Variants in ARHGEF10 observed in about 807,000 individuals in gnomAD.
The protein encoded by ARHGEF10 is Rho guanine nucleotide exchange factor 10.
In ARHGEF10, 140 loss-of-function variants were observed where a neutral mutation model predicts 147.4. The ratio of observed to expected loss-of-function variants is 0.95; its 90% CI spans 0.83 to 1.09. ARHGEF10 has a LOEUF of 1.09. Among genes scored for constraint, ARHGEF10 ranks in the 50% least tolerant of loss-of-function variants. The pLI is 0.00. For synonymous variants in ARHGEF10, 902 were observed against 695.8 expected, an observed-to-expected ratio of 1.30 and a Z score of -4.67; for missense variants, 2,222 against 1,752.7, an observed-to-expected ratio of 1.27 and a Z score of -4.78.
intron 3 of ARHGEF10, 82 bp from the exon 4 acceptor site, chr8:1,859,815 G>T (rs1407462984): frequency 7.8e-6 from 12 of 1,547,014 alleles, no homozygotes; most frequent in Non-Finnish European, 1.1e-5. Context: ...GCTCATACCT[G>T]CTTCCCACTT....
At chr8:1,901,364 C>T (rs3758018) in intron 15 of ARHGEF10, among the ~76,000 whole-genome samples, 69,186 of 152,008 alleles carry the variant, frequency 0.46, 15,918 homozygotes, top group African/African-American at 0.52. Context: ...CTGGTTAGTG[C>T]TCCCAGACCT....
chr8:1,858,901 T>A, intron 3 of ARHGEF10: 2 of 92,486 alleles, frequency 2.2e-5, no homozygotes, highest in South Asian at 2.6e-4. Flanking sequence ...CTCTCGGTTG[T>A]TTGCATGCCG....
At chr8:1,898,075 C>T (rs1050996207) in intron 14 of ARHGEF10, among the ~76,000 whole-genome samples, 13 of 152,306 alleles carry the variant, frequency 8.5e-5, no homozygotes, top group East Asian at 1.9e-4. Flanking sequence ...GCCTCCAGGA[C>T]GTCTTTCTGC....
intron 9 of ARHGEF10, among the ~76,000 whole-genome samples, chr8:1,880,942 A>G (rs984776654): frequency 2.0e-5 from 3 of 152,050 alleles, no homozygotes; most frequent in African/African-American, 7.2e-5. Flanking sequence ...GAGCCGCGTT[A>G]CCCCCTCACA....
chr8:1,914,808 C>T (rs11987896), intron 18 of ARHGEF10, among the ~76,000 whole-genome samples: 3 of 152,172 alleles, frequency 2.0e-5, no homozygotes, highest in South Asian at 4.1e-4. Flanking sequence ...GTCCTTCCCA[C>T]GACTCAAAAG....
intron 1 of ARHGEF10, among the ~76,000 whole-genome samples, chr8:1,827,178 G>A (rs956722386): frequency 2.0e-5 from 3 of 152,224 alleles, no homozygotes; most frequent in Admixed American, 6.5e-5. Context: ...CAGCCCCCAC[G>A]CTGATACACA....
Position 1,956,876 on chromosome 8 carries a change from C to G in ARHGEF10, c.3648C>G (p.Asp1216Glu), listed in dbSNP as rs200561292. 1.9e-6 allele frequency: 3 copies of G among 1,613,978 alleles called. No homozygotes were observed. Among genetic ancestry groups the G allele is most frequent in the Non-Finnish European group, 2.5e-6 (3 of 1,180,032 alleles). The change falls in exon 29 of 29, where the codon GAC (aspartate) becomes GAG (glutamate). Residue 1216 changes from aspartate (D) to glutamate (E), a missense_variant. Coordinates refer to ENST00000349830, the MANE Select transcript of ARHGEF10 (RefSeq NM_014629.4). ...DSLAPGPEPQ[D>E]EDQKDALPSG... Reference sequence around the variant, plus strand: ...TGGCTCCTGGCCCCGAGCCTCAGGACGAAGACCAGAAGGACGCACTTCCGA... The same window carrying G: ...TGGCTCCTGGCCCCGAGCCTCAGGAGGAAGACCAGAAGGACGCACTTCCGA...
chr8:1,906,250 G>C (rs1810881018), intron 17 of ARHGEF10, among the ~76,000 whole-genome samples: 1 of 152,146 alleles, frequency 6.6e-6, no homozygotes, highest in South Asian at 2.1e-4. Flanking sequence ...AGATGATAAG[G>C]GAACTGATAT....
intron 17 of ARHGEF10, among the ~76,000 whole-genome samples, chr8:1,909,060 G>C (rs1020497277): frequency 6.6e-6 from 1 of 152,200 alleles, no homozygotes; most frequent in Non-Finnish European, 1.5e-5. Context: ...GCTTCCGGGA[G>C]ATCCGTCCCC....
intron 26 of ARHGEF10, among the ~76,000 whole-genome samples, chr8:1,940,723 C>T (rs897348125): frequency 4.6e-5 from 7 of 152,106 alleles, no homozygotes; most frequent in East Asian, 3.9e-4. Flanking sequence ...AAATCCTCAA[C>T]GGAAGACTTG....
chr8:1,954,679 C>G (rs1464862292), intron 28 of ARHGEF10, among the ~76,000 whole-genome samples: 3 of 152,218 alleles, frequency 2.0e-5, no homozygotes, highest in African/African-American at 7.2e-5. Flanking sequence ...CCTCTCTGCT[C>G]ACAACCCTAG....
chr8:1,910,518 G>A (rs554390794), intron 18 of ARHGEF10, among the ~76,000 whole-genome samples: 17 of 152,066 alleles, frequency 1.1e-4, no homozygotes, highest in African/African-American at 3.6e-4. Flanking sequence ...AGTGGTATGC[G>A]TCTGTATCAA....
chr8:1,903,230 C>T, intron 15 of ARHGEF10, 51 bp from the exon 16 acceptor site: 3 of 1,605,888 alleles, frequency 1.9e-6, no homozygotes, highest in Non-Finnish European at 2.6e-6. Context: ...ACTGTTGTTG[C>T]ACTGGGAGTG....
intron 5 of ARHGEF10, among the ~76,000 whole-genome samples, chr8:1,866,057 A>C (rs902041860): frequency 6.6e-6 from 1 of 151,908 alleles, no homozygotes; most frequent in African/African-American, 2.4e-5. Context: ...CCATGTGACC[A>C]CCCGCTGGGG....
intron 4 of ARHGEF10, among the ~76,000 whole-genome samples, chr8:1,861,378 C>A (rs113829992): frequency 6.6e-6 from 1 of 152,300 alleles, no homozygotes; most frequent in East Asian, 1.9e-4. Context: ...TAGGGCCAGG[C>A]GCCAGGGTGA....
intron 9 of ARHGEF10, among the ~76,000 whole-genome samples, chr8:1,880,850 T>A (rs907792915): frequency 3.3e-5 from 5 of 152,216 alleles, no homozygotes; most frequent in African/African-American, 1.2e-4. Context: ...GGATGTGCAC[T>A]CCACACAGCT....
intron 10 of ARHGEF10, among the ~76,000 whole-genome samples, chr8:1,884,332 C>T (rs1421044845): frequency 6.6e-6 from 1 of 151,072 alleles, no homozygotes; most frequent in Non-Finnish European, 1.5e-5. Flanking sequence ...GGAGGCGGAG[C>T]TTGCAGTGAG....
chr8:1,845,733 G>GCAT (rs1804508304), intron 2 of ARHGEF10, among the ~76,000 whole-genome samples: 4 of 152,214 alleles, frequency 2.6e-5, no homozygotes, highest in South Asian at 4.1e-4. Flanking sequence ...ACCACCACCT[G>GCAT]GATTGCATGA....
chr8:1,945,899 C>CGTGCTGGGAGGAGCCGT (rs1814546916), intron 27 of ARHGEF10: 5 of 686,518 alleles, frequency 7.3e-6, no homozygotes, highest in South Asian at 3.7e-5. Context: ...GGAGGAGCCG[C>CGTGCTGGGAGGAGCCGT]GTGCTGGGAG....
Sources: gnomAD v4.1 joint callset for allele counts (sites outside exome capture counted in the v4.1 genomes callset) on GRCh38, gnomAD v4.1.1 for gene constraint, MANE v1.5 for transcripts, NCBI Gene and HGNC (gene_info 2026-07-23, HGNC 2026-07-21) for gene names.